Variants in SPTB observed in about 807,000 individuals in gnomAD.
The protein encoded by SPTB is spectrin beta chain, erythrocytic.
SPTB carries 45 observed loss-of-function variants against 256.2 expected under a neutral mutation model. The observed-to-expected ratio is 0.18, with a 90% CI of 0.14 to 0.23. The LOEUF is 0.23. Among genes scored for constraint, SPTB ranks in the 10% least tolerant of loss-of-function variants. The probability of loss-of-function intolerance (pLI) is 1.00; values close to 1 mark genes in which losing one functional copy is unlikely to be tolerated. For missense variants in SPTB, 2,715 were observed against 3,040.4 expected (o/e 0.89, Z 2.52); for synonymous variants, 1,231 against 1,243.1 (o/e 0.99, Z 0.21).
chr14:64,801,627 G>T, intron 6 of SPTB, 127 bp downstream of exon 6: 2 of 1,049,824 alleles, frequency 1.9e-6, no homozygotes, highest in Non-Finnish European at 3.0e-6. Flanking sequence ...GCTATGGGCT[G>T]CTGAAGGGGA....
chr14:64,789,923 G>A (rs1398856001), intron 15 of SPTB, among the ~76,000 whole-genome samples: 1 of 152,144 alleles, frequency 6.6e-6, no homozygotes, highest in Non-Finnish European at 1.5e-5. Flanking sequence ...GAGGCATGAG[G>A]CGACACTGGG....
At chr14:64,838,236 C>G (rs1189432835) in intron 1 of SPTB, among the ~76,000 whole-genome samples, 4 of 152,088 alleles carry the variant, frequency 2.6e-5, no homozygotes, top group East Asian at 3.8e-4. Flanking sequence ...TTGACCCATA[C>G]CACATACCAT....
Position 64,792,107 on chromosome 14 carries a change from C to G in SPTB, c.2667-251G>C, listed in dbSNP as rs2082685493. ...AGCCAGTTACTTCCTACACGGGCTTCTGGCTCAAGAGAGACATATGAAGGG... is the reference window on the plus strand; with the variant it reads ...AGCCAGTTACTTCCTACACGGGCTTGTGGCTCAAGAGAGACATATGAAGGG... On this transcript the variant is annotated intron_variant, in intron 14 of 35. Transcript: ENST00000644917. This position sits in a 1 kb window ranked among gnomAD's most constrained non-coding sequence, Gnocchi z 4.2. 6.6e-6 allele frequency among the ~76,000 whole-genome samples: 1 copy of G among 152,182 alleles called. No individual in the cohort carries two copies. The highest frequency in any genetic ancestry group is 1.5e-5 in the Non-Finnish European group (1 of 68,034).
intron 1 of SPTB, among the ~76,000 whole-genome samples, chr14:64,856,309 C>T (rs539017194): frequency 1.3e-5 from 2 of 152,274 alleles, no homozygotes; most frequent in East Asian, 3.9e-4. Flanking sequence ...ACCTCCCTCA[C>T]CAGGACTCTT....
rs229589 is a variant in SPTB, at chr14:64,795,707, C to A, written c.1342-68G>T. On this transcript the variant is annotated intron_variant, in intron 11 of 35. Coordinates refer to ENST00000644917, the MANE Select transcript of SPTB (RefSeq NM_001355436.2). The surrounding 1 kb of genome is among the most constrained non-coding windows in gnomAD (Gnocchi z 6.5). ...AGGGGCTCATCCCCAAACTCAGGGACAGGGCAGCTCCCTTCAGAACCAGTG... is the reference window on the plus strand; with the variant it reads ...AGGGGCTCATCCCCAAACTCAGGGAAAGGGCAGCTCCCTTCAGAACCAGTG... The A allele has an allele frequency of 0.37, 560,039 of 1,524,982 alleles. 106,861 individuals are homozygous for A. Among genetic ancestry groups the A allele is most frequent in the African/African-American group, 0.62 (45,476 of 73,252 alleles). The allele number at this position is 1,524,982 out of a possible 1,614,324, so 94.5% of individuals were successfully genotyped here. A position where few individuals can be genotyped will look rare whatever the true frequency, so the allele number is the denominator to read the frequency against.
At chr14:64,832,817 C>T (rs547057916) in intron 1 of SPTB, among the ~76,000 whole-genome samples, 2 of 152,322 alleles carry the variant, frequency 1.3e-5, no homozygotes, top group South Asian at 4.1e-4. Flanking sequence ...TTCTCTATCT[C>T]CACCGCTCCC....
Position 64,845,924 on chromosome 14 carries a change from T to C in SPTB, c.-51-22779A>G, listed in dbSNP as rs1025226037. Reference sequence around the variant, plus strand: ...CAAAAAAAACCCGCTCTACATTTTATGCATAAAGTAGGTAGAGTATGGAGT... The same window carrying C: ...CAAAAAAAACCCGCTCTACATTTTACGCATAAAGTAGGTAGAGTATGGAGT... On this transcript the variant is annotated intron_variant, in intron 1 of 35. Transcript: ENST00000644917. This position sits in a 1 kb window ranked among gnomAD's most constrained non-coding sequence, Gnocchi z 4.8. Among the ~76,000 whole-genome samples the C allele has an allele frequency of 6.6e-6, 1 of 152,252 alleles. No homozygotes were observed. The highest frequency in any genetic ancestry group is 2.4e-5 in the African/African-American group (1 of 41,468).
rs1262573006 is a variant in SPTB at position 64,793,676 on chromosome 14, G to A, written c.1987C>T (p.Leu663=). Residue 663 remains leucine (L), a synonymous_variant, in exon 14 of 36, where the codon CTG becomes TTG. Coordinates refer to ENST00000644917, the MANE Select transcript of SPTB (RefSeq NM_001355436.2). This position sits in a 1 kb window ranked among gnomAD's most constrained non-coding sequence, Gnocchi z 7.0. ...IKEKEQIYSS[L]DYGKDLTSVL... is the part of the protein sequence containing the mutation. ...CTGGTCAGGTCTTTGCCATAGTCCAGGGAAGAATAGATCTGCTCCTTCTCC... is the reference window on the plus strand; with the variant it reads ...CTGGTCAGGTCTTTGCCATAGTCCAAGGAAGAATAGATCTGCTCCTTCTCC... 2.5e-6 allele frequency: 4 copies of A among 1,614,172 alleles called. No homozygotes were observed. The highest frequency in any genetic ancestry group is 3.4e-6 in the Non-Finnish European group (4 of 1,180,054).
In SPTB at chr14:64,844,327, G is replaced by A. The variant is rs548402674; in HGVS notation, c.-51-21182C>T. 1.6e-4 allele frequency among the ~76,000 whole-genome samples: 24 copies of A among 152,280 alleles called. No individual in the cohort carries two copies. Among genetic ancestry groups the A allele is most frequent in the African/African-American group, 5.1e-4 (21 of 41,562 alleles). On this transcript the variant is annotated intron_variant, in intron 1 of 35. Coordinates refer to ENST00000644917, the MANE Select transcript of SPTB (RefSeq NM_001355436.2). This position sits in a 1 kb window ranked among gnomAD's most constrained non-coding sequence, Gnocchi z 4.1. ...GGGACCAGGTCCCAACACACAATAG[G>A]AATTTATATCCCCAACAACAGACAT...
chr14:64,860,774 T>C (rs1256347778), intron 1 of SPTB, among the ~76,000 whole-genome samples: 1 of 152,160 alleles, frequency 6.6e-6, no homozygotes, highest in Non-Finnish European at 1.5e-5. Flanking sequence ...TTGGTGGGAA[T>C]GTAAATTAGT....
chr14:64,801,150 C>A lies in SPTB; in HGVS notation c.763+135G>T. 8 of 746,440 alleles carry A rather than the reference C, an allele frequency of 1.1e-5. No homozygotes were observed. In the South Asian group the frequency reaches 1.3e-4, roughly 13 times the overall value. The allele number at this position is 746,440 out of a possible 1,614,324, so 46.2% of individuals were successfully genotyped here. On this transcript the variant is annotated intron_variant, in intron 7 of 35. Coordinates refer to ENST00000644917, the MANE Select transcript of SPTB (RefSeq NM_001355436.2). The stretch of plus-strand genomic sequence containing the variant: ...CCCAGATCAGAGCCTGGCCTGGCCA[C>A]TGCCCCTCACTGTGCCCACAGCTTG...
chr14:64,801,917 C>G, intron 5 of SPTB, 83 bp from the exon 6 acceptor site: 2 of 1,349,990 alleles, frequency 1.5e-6, no homozygotes, highest in Non-Finnish European at 2.1e-6. Context: ...GCCAATATAC[C>G]AGGAGAGAAA....
chr14:64,822,372 T>TCACACACACA (rs1355459775), intron 2 of SPTB, among the ~76,000 whole-genome samples: 2 of 2,426 alleles, frequency 8.2e-4, no homozygotes, highest in Non-Finnish European at 1.7e-3. Context: ...TCTCTCTCTC[T>TCACACACACA]CTCACACACA....
chr14:64,820,704 T>C (rs2083271585), intron 2 of SPTB, among the ~76,000 whole-genome samples: 1 of 152,176 alleles, frequency 6.6e-6, no homozygotes, highest in Non-Finnish European at 1.5e-5. Context: ...AGAGTCTTGC[T>C]CTGTCACCCA....
rs951141283 is a variant in SPTB at position 64,760,441 on chromosome 14, T to C, written c.6345+6285A>G. Among the ~76,000 whole-genome samples, 6 of 151,960 alleles carry C rather than the reference T, an allele frequency of 3.9e-5. No homozygotes were observed. Among genetic ancestry groups the C allele is most frequent in the Admixed American group, 6.5e-5 (1 of 15,268 alleles). ...CACAACCTGGCTCCGGACCACAGGGTGTTTCAGAGGTTCTGAAGATGCTCA... is the reference window on the plus strand; with the variant it reads ...CACAACCTGGCTCCGGACCACAGGGCGTTTCAGAGGTTCTGAAGATGCTCA... On this transcript the variant is annotated intron_variant, in intron 32 of 35. Transcript: ENST00000644917. The surrounding 1 kb of genome is among the most constrained non-coding windows in gnomAD (Gnocchi z 4.3).
intron 2 of SPTB, among the ~76,000 whole-genome samples, chr14:64,822,289 C>G (rs1006226632): frequency 3.3e-4 from 48 of 144,120 alleles, no homozygotes; most frequent in Non-Finnish European, 3.8e-4. Context: ...AATCAGATAT[C>G]AGCCAACAGG....
At chr14:64,857,922 C>A (rs2083898966) in intron 1 of SPTB, among the ~76,000 whole-genome samples, 1 of 152,144 alleles carries the variant, frequency 6.6e-6, no homozygotes, top group Non-Finnish European at 1.5e-5. Context: ...ATAATGACAA[C>A]AGTAGCTAGC....
At chr14:64,832,424 A>T (rs2083464266) in intron 1 of SPTB, among the ~76,000 whole-genome samples, 1 of 150,870 alleles carries the variant, frequency 6.6e-6, no homozygotes, top group Non-Finnish European at 1.5e-5. Context: ...TCTGTGGGCT[A>T]CTCTTCCTTG....
At position 64,804,982 on chromosome 14, in the gene SPTB, C is replaced by T. The variant is rs200814297; in HGVS notation, c.257G>A (p.Arg86His). The T allele has an allele frequency of 2.2e-5, 36 of 1,614,196 alleles. No homozygotes were observed. The highest frequency in any genetic ancestry group is 5.3e-5 in the African/African-American group (4 of 75,042). The change falls in exon 3 of 36, where the codon CGC becomes CAC. Residue 86 changes from arginine (R) to histidine (H), a missense_variant. Arg to His is a conservative substitution (Grantham distance 29, BLOSUM62 0). Around this residue, in one of 4 missense-constraint regions of SPTB, gnomAD observed 416 missense variants for 571.1 expected, o/e 0.73. Coordinates refer to ENST00000644917, the MANE Select transcript of SPTB (RefSeq NM_001355436.2). ...CACCTCCAGCAGCTTGATGAGCATG[C>T]GCCCATCCCGCAGGTCCTTGTAGAG... ...TDLYKDLRDG[R>H]MLIKLLEVLS...
Sources: allele counts gnomAD v4.1 joint callset (sites outside exome capture counted in the v4.1 genomes callset), GRCh38; gene constraint gnomAD v4.1.1; regional missense constraint gnomAD v4.1.1; non-coding constraint Gnocchi (gnomAD v3.1); transcripts MANE v1.5; gene names NCBI Gene and HGNC (gene_info 2026-07-23, HGNC 2026-07-21).